The following ATP2C2 variants were observed in gnomAD, a reference collection of about 807,000 sequenced individuals.
ATP2C2 encodes the protein ATPase secretory pathway Ca2+ transporting 2, also known as calcium-transporting ATPase type 2C member 2.
A neutral mutation model predicts 110.8 loss-of-function variants in ATP2C2; 171 were observed. The ratio of observed to expected loss-of-function variants is 1.54; its 90% CI spans 1.36 to 1.75. The LOEUF (loss-of-function observed/expected upper bound fraction) is 1.75. Among genes scored for constraint, ATP2C2 ranks in the 40% most tolerant of loss-of-function variants. The pLI is 0.00. For synonymous variants in ATP2C2, 804 were observed against 508.4 expected (o/e 1.58, Z -7.82); for missense variants, 1,963 against 1,235.0 (o/e 1.59, Z -8.84).
chr16:84,441,236 C>T (rs953938531), intron 14 of ATP2C2, among the ~76,000 whole-genome samples: 1 of 152,066 alleles, frequency 6.6e-6, no homozygotes, highest in Admixed American at 6.5e-5. Context: ...AGTTCGAGAC[C>T]AGCCTGAGCA....
chr16:84,460,916 C>T (rs2150599935), intron 24 of ATP2C2, 115 bp downstream of exon 24: 1 of 1,368,034 alleles, frequency 7.3e-7, no homozygotes, highest in Non-Finnish European at 9.9e-7. Flanking sequence ...AACATGTACA[C>T]ACACCGGACA....
chr16:84,407,062 T>A (rs1484374670), intron 3 of ATP2C2: 1 of 152,352 alleles, frequency 6.6e-6, no homozygotes, highest in East Asian at 1.9e-4. Flanking sequence ...GGACGGGAGC[T>A]CCTGACGGCT....
chr16:84,403,231 CTT>C (rs1905458316), intron 2 of ATP2C2, among the ~76,000 whole-genome samples: 1 of 152,020 alleles, frequency 6.6e-6, no homozygotes, highest in African/African-American at 2.4e-5. Context: ...AAAAAATACT[CTT>C]GTTTCTTAAG....
rs570633988 is a variant in ATP2C2, at chr16:84,461,154, AGGTGATTGTTTGCTTTGGATCTAGGCCTG to A, written c.2481+357_2481+385del. Reference sequence around the variant, plus strand: ...AATATCCTCCTGTGTTACACTCTAGAGGTGATTGTTTGCTTTGGATCTAGGCCTGGGTCACCTTTTCATGGCCTGCAGGT... The same window carrying A: ...AATATCCTCCTGTGTTACACTCTAGAGGTCACCTTTTCATGGCCTGCAGGT... On this transcript the variant is annotated intron_variant, in intron 24 of 26. Coordinates refer to ENST00000262429, the MANE Select transcript of ATP2C2 (RefSeq NM_014861.4). 500 of 292,496 alleles carry A rather than the reference AGGTGATTGTTTGCTTTGGATCTAGGCCTG, an allele frequency of 1.7e-3. 4 individuals carry two copies. The highest frequency in any genetic ancestry group is 0.01 in the African/African-American group (470 of 46,318). 18.1% of individuals were successfully genotyped at this position (292,496 alleles called of 1,614,324 possible).
At chr16:84,376,533 C>T (rs1193206522) in intron 1 of ATP2C2, among the ~76,000 whole-genome samples, 6 of 129,568 alleles carry the variant, frequency 4.6e-5, no homozygotes, top group Non-Finnish European at 1.1e-4. Flanking sequence ...TTTTTTTTGG[C>T]AATTTTTTTT....
chr16:84,462,601 G>A (rs1254902406), intron 26 of ATP2C2: 2 of 156,182 alleles, frequency 1.3e-5, no homozygotes, highest in African/African-American at 2.4e-5. Flanking sequence ...GGTTTTCCAA[G>A]GGCACACGCC....
At chr16:84,428,549 A>C (rs1377083307) in intron 11 of ATP2C2, among the ~76,000 whole-genome samples, 2 of 152,208 alleles carry the variant, frequency 1.3e-5, no homozygotes, top group Non-Finnish European at 2.9e-5. Flanking sequence ...AGAGCACACA[A>C]AAAAAACATG....
At chr16:84,428,282 A>G (rs1456868111) in intron 11 of ATP2C2, among the ~76,000 whole-genome samples, 2 of 152,268 alleles carry the variant, frequency 1.3e-5, no homozygotes, top group African/African-American at 4.8e-5. Flanking sequence ...GCCTGTGTAT[A>G]CATGAATGTA....
intron 20 of ATP2C2, 68 bp from the exon 21 acceptor site, chr16:84,454,750 G>C: frequency 1.4e-6 from 2 of 1,469,132 alleles, no homozygotes; most frequent in Non-Finnish European, 1.8e-6. Context: ...TGGCCACAGG[G>C]TGTGCATGGC....
chr16:84,413,391 A>G (rs1224812917), intron 6 of ATP2C2, among the ~76,000 whole-genome samples: 1 of 152,184 alleles, frequency 6.6e-6, no homozygotes, highest in Non-Finnish European at 1.5e-5. Flanking sequence ...AGGACCAAAT[A>G]GGGACAAGAA....
intron 15 of ATP2C2, among the ~76,000 whole-genome samples, chr16:84,445,232 G>A (rs543717720): frequency 1.7e-4 from 25 of 145,630 alleles, no homozygotes; most frequent in Middle Eastern, 3.5e-3. Context: ...TTTTTGAGAC[G>A]GAGTCTCGCT....
At chr16:84,375,402 G>A (rs1304548009) in intron 1 of ATP2C2, among the ~76,000 whole-genome samples, 2 of 152,174 alleles carry the variant, frequency 1.3e-5, no homozygotes, top group Non-Finnish European at 2.9e-5. Context: ...TTGGCCGGGT[G>A]TGGTGGCATG....
intron 21 of ATP2C2, among the ~76,000 whole-genome samples, chr16:84,455,840 G>A (rs1341913005): frequency 4.8e-5 from 7 of 145,368 alleles, no homozygotes; most frequent in African/African-American, 1.8e-4. Context: ...AGCATGAAGG[G>A]TTGTTGAATT....
intron 1 of ATP2C2, among the ~76,000 whole-genome samples, chr16:84,391,481 T>A (rs913323358): frequency 1.3e-5 from 2 of 152,200 alleles, no homozygotes; most frequent in Admixed American, 1.3e-4. Flanking sequence ...GCAGTCAAAT[T>A]AAAATGAGGT....
At chr16:84,423,819 A>G (rs537509770) in intron 10 of ATP2C2, among the ~76,000 whole-genome samples, 183 of 152,302 alleles carry the variant, frequency 1.2e-3, no homozygotes, top group African/African-American at 4.2e-3. Flanking sequence ...GCACCCAAAC[A>G]TATTTCTATG....
At chr16:84,428,780 G>A (rs1298863312) in intron 11 of ATP2C2, among the ~76,000 whole-genome samples, 2 of 152,118 alleles carry the variant, frequency 1.3e-5, no homozygotes, top group Admixed American at 6.6e-5. Flanking sequence ...GTTTTCAATA[G>A]GAAAAGAAGA....
chr16:84,462,817 C>CTA, intron 26 of ATP2C2: 1 of 152,970 alleles, frequency 6.5e-6, no homozygotes, highest in African/African-American at 2.4e-5. Flanking sequence ...CCCCATGGGC[C>CTA]CACCGCCTCC....
At chr16:84,417,715 C>T (rs919399219) in intron 7 of ATP2C2, among the ~76,000 whole-genome samples, 1 of 152,170 alleles carries the variant, frequency 6.6e-6, no homozygotes, top group African/African-American at 2.4e-5. Flanking sequence ...AACATAGTGA[C>T]ACTCCATCTG....
intron 7 of ATP2C2, 91 bp downstream of exon 7, chr16:84,415,682 C>G: frequency 2.0e-6 from 2 of 1,008,422 alleles, no homozygotes; most frequent in East Asian, 2.5e-5. Context: ...TATAGTCTCT[C>G]TCATACACAC....
Sources: allele counts gnomAD v4.1 joint callset (sites outside exome capture counted in the v4.1 genomes callset), GRCh38; gene constraint gnomAD v4.1.1; transcripts MANE v1.5; gene names NCBI Gene and HGNC (gene_info 2026-07-23, HGNC 2026-07-21).